ATF6: variants seen among roughly 807,000 people sequenced by gnomAD.
The protein encoded by ATF6 is cyclic AMP-dependent transcription factor ATF-6 alpha.
In ATF6, 53 loss-of-function variants were observed where a neutral mutation model predicts 83.6. The observed-to-expected ratio is 0.63, with a 90% CI of 0.51 to 0.80. The LOEUF (loss-of-function observed/expected upper bound fraction) is 0.80. Ranked by LOEUF, ATF6 falls within the 30% of genes least tolerant of loss-of-function variation. The pLI is 0.00. For synonymous variants in ATF6, 288 were observed against 285.8 expected, an observed-to-expected ratio of 1.01 and a Z score of -0.08; for missense variants, 744 against 797.9, an observed-to-expected ratio of 0.93 and a Z score of 0.81.
intron 2 of ATF6, among the ~76,000 whole-genome samples, chr1:161,779,919 GT>G (rs772950063): frequency 6.6e-6 from 1 of 151,894 alleles, no homozygotes; most frequent in Non-Finnish European, 1.5e-5. Context: ...TGTATTTTTA[GT>G]AGAGACGGGG....
At chr1:161,771,501 T>C (rs1340610876) in intron 1 of ATF6, among the ~76,000 whole-genome samples, 1 of 152,238 alleles carries the variant, frequency 6.6e-6, no homozygotes, top group Non-Finnish European at 1.5e-5. Flanking sequence ...TGTCCTTCAC[T>C]GCTATTCTCC....
intron 15 of ATF6, among the ~76,000 whole-genome samples, chr1:161,940,734 GT>G (rs551535128): frequency 6.7e-6 from 1 of 149,958 alleles, no homozygotes; most frequent in Admixed American, 6.7e-5. Context: ...AATTTTTTTT[GT>G]TTTTTTTTAG....
intron 9 of ATF6, among the ~76,000 whole-genome samples, chr1:161,846,138 T>C (rs1451591477): frequency 2.0e-5 from 3 of 152,170 alleles, no homozygotes; most frequent in Non-Finnish European, 4.4e-5. Context: ...TTTAGGTGTG[T>C]CGTATTTATT....
chr1:161,881,141 G>T (rs527558331), intron 14 of ATF6, among the ~76,000 whole-genome samples: 22 of 152,192 alleles, frequency 1.4e-4, no homozygotes, highest in Non-Finnish European at 2.2e-4. Context: ...TTGTGTGTGT[G>T]TTGTTTTGTT....
At chr1:161,937,377 T>C (rs1314434041) in intron 15 of ATF6, among the ~76,000 whole-genome samples, 1 of 150,904 alleles carries the variant, frequency 6.6e-6, no homozygotes, top group African/African-American at 2.4e-5. Flanking sequence ...AAAATCACCT[T>C]AATGCCTTTT....
intron 12 of ATF6, among the ~76,000 whole-genome samples, chr1:161,855,508 C>T (rs1686737092): frequency 6.6e-6 from 1 of 152,056 alleles, no homozygotes; most frequent in Admixed American, 6.6e-5. Flanking sequence ...AATCAAATAT[C>T]TGGGTCTGGA....
chr1:161,903,920 T>C (rs140171450), intron 14 of ATF6, among the ~76,000 whole-genome samples: 32 of 152,298 alleles, frequency 2.1e-4, no homozygotes, highest in African/African-American at 7.2e-4. Context: ...TAGTGAAAAA[T>C]TCTGGCCCAC....
At chr1:161,807,652 T>A (rs1369473172) in intron 7 of ATF6, among the ~76,000 whole-genome samples, 4 of 152,168 alleles carry the variant, frequency 2.6e-5, no homozygotes. Flanking sequence ...ATTTGCAGTA[T>A]CTCTTTAAAT....
chr1:161,918,428 A>G (rs1420016459), intron 15 of ATF6, among the ~76,000 whole-genome samples: 2 of 152,194 alleles, frequency 1.3e-5, no homozygotes, highest in African/African-American at 2.4e-5. Context: ...AAATAAAACC[A>G]TGCAAAAAGT....
chr1:161,771,156 T>C (rs935865657), intron 1 of ATF6, among the ~76,000 whole-genome samples: 1 of 152,206 alleles, frequency 6.6e-6, no homozygotes, highest in Non-Finnish European at 1.5e-5. Flanking sequence ...TCTCTTTTAC[T>C]CTTGCTTGAA....
chr1:161,926,867 G>A (rs1688323009), intron 15 of ATF6, among the ~76,000 whole-genome samples: 1 of 152,080 alleles, frequency 6.6e-6, no homozygotes, highest in Non-Finnish European at 1.5e-5. Flanking sequence ...TTGACTGAAA[G>A]GTAAGAGGGT....
At chr1:161,821,988 G>C (rs1557979050) in intron 9 of ATF6, among the ~76,000 whole-genome samples, 1 of 152,166 alleles carries the variant, frequency 6.6e-6, no homozygotes, top group Admixed American at 6.6e-5. Context: ...GAAGAAAAGA[G>C]GGAAGTTAAG....
chr1:161,918,687 A>G (rs1434056908), intron 15 of ATF6, among the ~76,000 whole-genome samples: 1 of 152,194 alleles, frequency 6.6e-6, no homozygotes, highest in African/African-American at 2.4e-5. Flanking sequence ...GTTGAATAAA[A>G]TACATTTTCT....
At chr1:161,823,168 TA>T (rs1454022300) in intron 9 of ATF6, among the ~76,000 whole-genome samples, 6 of 152,076 alleles carry the variant, frequency 3.9e-5, no homozygotes, top group East Asian at 1.9e-4. Context: ...ATTAAAACTT[TA>T]AAAATAAAAA....
chr1:161,817,072 G>T (rs1352621284), intron 7 of ATF6, among the ~76,000 whole-genome samples: 1 of 152,170 alleles, frequency 6.6e-6, no homozygotes, highest in East Asian at 1.9e-4. Context: ...GGGAAGAAAT[G>T]AATATTTGAC....
intron 11 of ATF6, among the ~76,000 whole-genome samples, chr1:161,852,747 G>A (rs1686661028): frequency 6.6e-6 from 1 of 151,982 alleles, no homozygotes; most frequent in Non-Finnish European, 1.5e-5. Context: ...TGAGTAGCTG[G>A]GACTACAGGC....
At chr1:161,850,892 A>C (rs971472736) in intron 10 of ATF6, among the ~76,000 whole-genome samples, 12 of 152,122 alleles carry the variant, frequency 7.9e-5, no homozygotes, top group Admixed American at 2.6e-4. Flanking sequence ...CCCCATCTCA[A>C]ATTCTAACTT....
chr1:161,782,116 G>A, intron 3 of ATF6, 117 bp downstream of exon 3: 1 of 650,496 alleles, frequency 1.5e-6, no homozygotes, highest in Non-Finnish European at 2.6e-6. Context: ...AAGATTCCTG[G>A]TGTTATGCAT....
At chr1:161,938,715 A>G (rs767062845) in intron 15 of ATF6, among the ~76,000 whole-genome samples, 7 of 152,344 alleles carry the variant, frequency 4.6e-5, no homozygotes, top group Middle Eastern at 3.4e-3. Flanking sequence ...CTCAAGTTCA[A>G]CAGCTTATTA....
Sources: gnomAD v4.1 joint callset for allele counts (sites outside exome capture counted in the v4.1 genomes callset) on GRCh38, gnomAD v4.1.1 for gene constraint, MANE v1.5 for transcripts, NCBI Gene and HGNC (gene_info 2026-07-23, HGNC 2026-07-21) for gene names.